The following B3GAT1 variants were observed in gnomAD, a reference collection of about 807,000 sequenced individuals.
B3GAT1 encodes beta-1,3-glucuronyltransferase 1.
B3GAT1 carries 11 observed loss-of-function variants against 28.4 expected under a neutral mutation model. That is an observed-to-expected ratio of 0.39 (90% CI 0.24 to 0.64). The LOEUF (loss-of-function observed/expected upper bound fraction) is 0.64. B3GAT1 is among the 30% of genes least tolerant of loss of function. The pLI is 0.50. For synonymous variants in B3GAT1, 255 were observed against 223.1 expected, an observed-to-expected ratio of 1.14 and a Z score of -1.27; for missense variants, 375 against 491.0, an observed-to-expected ratio of 0.76 and a Z score of 2.23.
intron 1 of B3GAT1, among the ~76,000 whole-genome samples, chr11:134,409,452 G>A (rs1944808249): frequency 6.6e-6 from 1 of 152,212 alleles, no homozygotes; most frequent in African/African-American, 2.4e-5. Context: ...GGAGCCCTCA[G>A]CATTGTGAGA....
chr11:134,384,235 GGCCC>G (rs747001964), intron 2 of B3GAT1, 47 bp from the exon 3 acceptor site: 12 of 1,506,330 alleles, frequency 8.0e-6, no homozygotes, highest in Non-Finnish European at 9.7e-6. Context: ...CGCCGGCTAC[GGCCC>G]TGGATTCAGA....
Position 134,387,698 on chromosome 11 carries a change from A to C in B3GAT1, c.-39T>G. On this transcript the variant is annotated 5_prime_UTR_variant, in exon 2 of 6. Coordinates refer to ENST00000312527, the MANE Select transcript of B3GAT1 (RefSeq NM_054025.3). ...TGCACCCACGGCTCCTCATTACCTG[A>C]GTGGCGGTAAGTTCAGGAGAGGGGC... 1.2e-6 allele frequency: 2 copies of C among 1,612,438 alleles called. No individual in the cohort carries two copies.
chr11:134,383,151 GC>G, intron 3 of B3GAT1, 145 bp from the exon 4 acceptor site: 1 of 921,414 alleles, frequency 1.1e-6, no homozygotes, highest in Non-Finnish European at 1.6e-6. Flanking sequence ...GTACAGCCCT[GC>G]CCCCAGGACC....
At chr11:134,394,924 G>T (rs934141564) in intron 1 of B3GAT1, among the ~76,000 whole-genome samples, 12 of 152,140 alleles carry the variant, frequency 7.9e-5, no homozygotes, top group African/African-American at 2.7e-4. Flanking sequence ...AATAGTCTTT[G>T]GCTTTGATTT....
At chr11:134,408,529 G>C (rs1944781664) in intron 1 of B3GAT1, among the ~76,000 whole-genome samples, 1 of 65,158 alleles carries the variant, frequency 1.5e-5, no homozygotes, top group Non-Finnish European at 2.8e-5. Context: ...TTCCAGTGGG[G>C]TGAGGAGGGA....
chr11:134,403,198 G>T (rs933293942), intron 1 of B3GAT1, among the ~76,000 whole-genome samples: 2 of 152,100 alleles, frequency 1.3e-5, no homozygotes, highest in African/African-American at 4.8e-5. Context: ...ACATACCTGG[G>T]GGAGGGGATC....
rs1019496796 is a variant in B3GAT1, at chr11:134,393,142, T to C, written c.-281-5202A>G. ...AGACACTGTCCGAGGTACTCATCCCTGGAGGACGAGAAAGGCCTTTTTACC... is the reference window on the plus strand; with the variant it reads ...AGACACTGTCCGAGGTACTCATCCCCGGAGGACGAGAAAGGCCTTTTTACC... On this transcript the variant is annotated intron_variant, in intron 1 of 5. Transcript: ENST00000312527. This position sits in a 1 kb window ranked among gnomAD's most constrained non-coding sequence, Gnocchi z 4.0. Among the ~76,000 whole-genome samples, 1 of 152,158 alleles carries C rather than the reference T, an allele frequency of 6.6e-6. No homozygotes were observed. Among genetic ancestry groups the C allele is most frequent in the African/African-American group, 2.4e-5 (1 of 41,434 alleles).
chr11:134,392,741 G>A (rs1014109763), intron 1 of B3GAT1, among the ~76,000 whole-genome samples: 1 of 152,166 alleles, frequency 6.6e-6, no homozygotes, highest in African/African-American at 2.4e-5. Flanking sequence ...CTGGGACTCA[G>A]ATGGGAAGGC....
intron 1 of B3GAT1, among the ~76,000 whole-genome samples, chr11:134,403,960 T>C (rs1944669661): frequency 7.5e-6 from 1 of 133,776 alleles, no homozygotes; most frequent in Non-Finnish European, 1.6e-5. Context: ...GGGAGTCATT[T>C]AACGGGTACA....
chr11:134,387,454 C>G, intron 2 of B3GAT1, 94 bp downstream of exon 2: 1 of 1,522,080 alleles, frequency 6.6e-7, no homozygotes, highest in South Asian at 1.2e-5. Flanking sequence ...CTCCTAGCTG[C>G]TAAGTGAGTG....
intron 1 of B3GAT1, among the ~76,000 whole-genome samples, chr11:134,407,596 A>C (rs1473046624): frequency 6.6e-6 from 1 of 152,224 alleles, no homozygotes; most frequent in Non-Finnish European, 1.5e-5. Context: ...ATCAGAGGTA[A>C]AGCCTTAATC....
intron 1 of B3GAT1, chr11:134,409,786 CTT>C (rs1249841519): frequency 6.6e-6 from 1 of 152,576 alleles, no homozygotes; most frequent in Non-Finnish European, 1.5e-5. Flanking sequence ...GCCTTTGTCT[CTT>C]GTCTCACTGC....
intron 3 of B3GAT1, 123 bp downstream of exon 3, chr11:134,383,557 G>C (rs564231396): frequency 1.5e-6 from 2 of 1,304,642 alleles, no homozygotes; most frequent in Non-Finnish European, 2.0e-6. Context: ...TGCCTGCCCC[G>C]CTCCCAGCCC....
chr11:134,409,251 C>G (rs963914209), intron 1 of B3GAT1, among the ~76,000 whole-genome samples: 3 of 152,194 alleles, frequency 2.0e-5, no homozygotes, highest in Admixed American at 2.0e-4. Flanking sequence ...CCTGTCCCCA[C>G]TGCACTTCTT....
Position 134,384,155 on chromosome 11 carries a change from G to A in B3GAT1, c.146C>T (p.Pro49Leu). The A allele has an allele frequency of 6.4e-7, 1 of 1,558,796 alleles. No individual in the cohort carries two copies. The highest frequency in any genetic ancestry group is 8.7e-7 in the Non-Finnish European group (1 of 1,152,268). ...GCAGTACTCCCTGGGGTCGGCGCCGGGCGGCGTTTCGCGTCGGGGGTCACT... is the reference window on the plus strand; with the variant it reads ...GCAGTACTCCCTGGGGTCGGCGCCGAGCGGCGTTTCGCGTCGGGGGTCACT... ...EGSDPRRETP[P>L]GADPREYCTS... The change falls in exon 3 of 6, where the codon CCC becomes CTC. Residue 49 changes from proline (P) to leucine (L), a missense_variant. Coordinates refer to ENST00000312527, the MANE Select transcript of B3GAT1 (RefSeq NM_054025.3).
chr11:134,405,276 G>T (rs1183949974), intron 1 of B3GAT1, among the ~76,000 whole-genome samples: 1 of 152,102 alleles, frequency 6.6e-6, no homozygotes, highest in Non-Finnish European at 1.5e-5. Flanking sequence ...GCCCCCAAGG[G>T]GACCCCCCAT....
intron 4 of B3GAT1, 28 bp downstream of exon 4, chr11:134,382,682 C>T: frequency 6.3e-7 from 1 of 1,598,314 alleles, no homozygotes. Flanking sequence ...CATTGCATCA[C>T]AGCTGTCAGT....
In B3GAT1 at chr11:134,382,763, G is replaced by A. The variant is rs1035380375; in HGVS notation, c.865C>T (p.Arg289Ter). The A allele has an allele frequency of 3.7e-6, 6 of 1,614,078 alleles. No homozygotes were observed. Among genetic ancestry groups the A allele is most frequent in the East Asian group, 2.2e-5 (1 of 44,894 alleles). Reference protein sequence around the residue: ...KGGYQESSLLRELVTLNDLEP... With the variant: ...KGGYQESSLL Reference sequence around the variant, plus strand: ...AGGTCGTTGAGGGTGACAAGTTCTCGAAGGAGGCTGCTTTCCTGGTAGCCT... The same window carrying A: ...AGGTCGTTGAGGGTGACAAGTTCTCAAAGGAGGCTGCTTTCCTGGTAGCCT... Residue 289 changes from arginine to a stop codon, truncating the protein, a stop_gained, in exon 4 of 6, where the codon CGA becomes TGA. Transcript: ENST00000312527. LOFTEE classifies it high-confidence loss of function.
At position 134,387,540 on chromosome 11, in the gene B3GAT1, G is replaced by A. The variant is rs371420953; in HGVS notation, c.112+8C>T. On this transcript the variant is annotated splice_region_variant and intron_variant, in intron 2 of 5. Coordinates refer to ENST00000312527, the MANE Select transcript of B3GAT1 (RefSeq NM_054025.3). The stretch of plus-strand genomic sequence containing the variant: ...AGCTGGGCAGGCAGGGCATGCGTGC[G>A]TGCTCACCCTTATGTACCGCGAGCA... 2.9e-4 allele frequency: 471 copies of A among 1,613,598 alleles called. No homozygotes were observed. Among genetic ancestry groups the A allele is most frequent in the Non-Finnish European group, 3.8e-4 (444 of 1,179,970 alleles).
Sources: allele counts gnomAD v4.1 joint callset (sites outside exome capture counted in the v4.1 genomes callset), GRCh38; gene constraint gnomAD v4.1.1; non-coding constraint Gnocchi (gnomAD v3.1); transcripts MANE v1.5; gene names NCBI Gene and HGNC (gene_info 2026-07-23, HGNC 2026-07-21).